Variants in KIAA1217 observed in about 807,000 individuals in gnomAD.
The protein encoded by KIAA1217 is KIAA1217, also known as sickle tail protein homolog.
A neutral mutation model predicts 163.9 loss-of-function variants in KIAA1217; 88 were observed. The observed-to-expected ratio is 0.54, with a 90% CI of 0.45 to 0.64. The LOEUF (loss-of-function observed/expected upper bound fraction) is 0.64, where lower values mean the gene tolerates loss of function less well. KIAA1217 is among the 30% of genes least tolerant of loss of function. The pLI is 0.00. For synonymous variants in KIAA1217, 903 were observed against 923.1 expected (o/e 0.98, Z 0.39); for missense variants, 2,372 against 2,475.0 (o/e 0.96, Z 0.88).
intron 2 of KIAA1217, among the ~76,000 whole-genome samples, chr10:24,067,386 G>A (rs1457528491): frequency 1.3e-5 from 2 of 152,226 alleles, no homozygotes; most frequent in African/African-American, 4.8e-5. Flanking sequence ...CTGCAGGTCT[G>A]TTGGAGTTTA....
At chr10:23,707,695 G>T (rs1170991828) in intron 1 of KIAA1217, among the ~76,000 whole-genome samples, 2 of 152,064 alleles carry the variant, frequency 1.3e-5, no homozygotes, top group Admixed American at 1.3e-4. Context: ...ATATATCCTT[G>T]TAAGAAAACT....
chr10:23,810,895 A>AGT (rs1189929527), intron 1 of KIAA1217, among the ~76,000 whole-genome samples: 1 of 122,812 alleles, frequency 8.1e-6, no homozygotes, highest in African/African-American at 3.2e-5. Flanking sequence ...CATATCATAT[A>AGT]GTATATATAC....
At chr10:23,962,525 T>C (rs1436452874) in intron 1 of KIAA1217, among the ~76,000 whole-genome samples, 2 of 152,354 alleles carry the variant, frequency 1.3e-5, no homozygotes, top group African/African-American at 2.4e-5. Context: ...TCTATTTCAG[T>C]ATTTATAGCT....
At chr10:23,794,634 C>T (rs894082957) in intron 1 of KIAA1217, among the ~76,000 whole-genome samples, 1 of 152,164 alleles carries the variant, frequency 6.6e-6, no homozygotes, top group East Asian at 1.9e-4. Flanking sequence ...GATTTCAGAA[C>T]AAAATTTTAG....
chr10:23,911,126 T>C (rs1024907304), intron 1 of KIAA1217, among the ~76,000 whole-genome samples: 2 of 152,160 alleles, frequency 1.3e-5, no homozygotes, highest in Non-Finnish European at 2.9e-5. Context: ...CTATCCCAAT[T>C]TTAAAGGCTA....
intron 2 of KIAA1217, among the ~76,000 whole-genome samples, chr10:24,263,537 CATCTT>C (rs2075917906): frequency 6.6e-6 from 1 of 152,208 alleles, no homozygotes; most frequent in Non-Finnish European, 1.5e-5. Context: ...ATCTCTGTCT[CATCTT>C]GACTCCAAGG....
chr10:24,528,044 C>A lies in KIAA1217; in HGVS notation c.3007C>A (p.Pro1003Thr), dbSNP rs373172605. ...TCAGGCCAATATCATGAAGTCAATA[C>A]CAAATCTGGAGATGCCGCCAGCCAC... ...EAQANIMKSI[P>T]NLEMPPATGP... The change falls in exon 14 of 21, where the codon CCA becomes ACA. Residue 1003 changes from proline to threonine, a missense_variant. Physicochemically the swap from Pro to Thr is conservative, Grantham distance 38 (BLOSUM62 -1). Coordinates refer to ENST00000376454, the MANE Select transcript of KIAA1217 (RefSeq NM_019590.5). The A allele has an allele frequency of 9.3e-6, 15 of 1,614,030 alleles. No individual in the cohort carries two copies. The highest frequency in any genetic ancestry group is 1.2e-5 in the Non-Finnish European group (14 of 1,180,032).
intron 2 of KIAA1217, among the ~76,000 whole-genome samples, chr10:24,052,360 C>T (rs1849577250): frequency 1.3e-5 from 2 of 152,044 alleles, no homozygotes; most frequent in Non-Finnish European, 2.9e-5. Context: ...TTTTCTGTTT[C>T]TGCTTTAACT....
intron 5 of KIAA1217, among the ~76,000 whole-genome samples, chr10:24,458,920 T>C (rs1274664701): frequency 6.6e-6 from 1 of 152,212 alleles, no homozygotes; most frequent in African/African-American, 2.4e-5. Flanking sequence ...TATGTCCCTC[T>C]ACTCACTAAA....
At chr10:24,511,601 C>T (rs1431744064) in intron 9 of KIAA1217, among the ~76,000 whole-genome samples, 1 of 152,016 alleles carries the variant, frequency 6.6e-6, no homozygotes, top group Non-Finnish European at 1.5e-5. Flanking sequence ...GAACTGAGAT[C>T]GTGCCATTGC....
intron 1 of KIAA1217, among the ~76,000 whole-genome samples, chr10:23,731,388 C>T (rs1190098391): frequency 6.6e-6 from 1 of 152,142 alleles, no homozygotes; most frequent in Admixed American, 6.5e-5. Flanking sequence ...CTTTTGAGTC[C>T]TCTGATGTCA....
chr10:23,947,232 G>A (rs1844096059), intron 1 of KIAA1217, among the ~76,000 whole-genome samples: 1 of 152,136 alleles, frequency 6.6e-6, no homozygotes, highest in East Asian at 1.9e-4. Context: ...AGGATTGAAT[G>A]TTTATAACAT....
intron 9 of KIAA1217, among the ~76,000 whole-genome samples, chr10:24,503,429 A>G (rs1022017558): frequency 6.6e-6 from 1 of 152,206 alleles, no homozygotes; most frequent in African/African-American, 2.4e-5. Flanking sequence ...TTGCAATGAA[A>G]TGAAGTGTAC....
At chr10:23,698,328 G>C (rs1406869133) in intron 1 of KIAA1217, among the ~76,000 whole-genome samples, 1 of 152,168 alleles carries the variant, frequency 6.6e-6, no homozygotes, top group East Asian at 1.9e-4. Flanking sequence ...ATTTATGGTG[G>C]CTTAAAATTT....
chr10:24,212,393 A>G (rs1186024301), intron 1 of KIAA1217, among the ~76,000 whole-genome samples: 1 of 152,194 alleles, frequency 6.6e-6, no homozygotes, highest in Non-Finnish European at 1.5e-5. Flanking sequence ...GATGTTGACT[A>G]CAATTTGGAT....
intron 1 of KIAA1217, among the ~76,000 whole-genome samples, chr10:23,937,821 T>C (rs1471032390): frequency 6.6e-6 from 1 of 152,068 alleles, no homozygotes; most frequent in African/African-American, 2.4e-5. Context: ...GAGCAAGCAA[T>C]GTAGGACAGG....
chr10:24,210,242 T>G (rs1262935977), intron 1 of KIAA1217, among the ~76,000 whole-genome samples: 2 of 152,120 alleles, frequency 1.3e-5, no homozygotes, highest in African/African-American at 4.8e-5. Context: ...ACGCTGAAAA[T>G]GCAAAGCTAA....
At position 23,846,940 on chromosome 10, in the gene KIAA1217, A is replaced by G. The variant is rs1839061523; in HGVS notation, c.-321+151706A>G. On this transcript the variant is annotated intron_variant, in intron 1 of 18. Coordinates refer to the KIAA1217 transcript ENST00000376462. ...ACCTAGTTTATTGAGAGTTTTTAGC[A>G]TGAAGGGATGTTGAATTTTGTCAAA... 2.0e-5 allele frequency among the ~76,000 whole-genome samples: 3 copies of G among 152,132 alleles called. No homozygotes were observed. The South Asian group carries it at 6.2e-4, about 31-fold the overall frequency.
At chr10:23,953,533 G>C (rs994327963) in intron 1 of KIAA1217, among the ~76,000 whole-genome samples, 2 of 152,234 alleles carry the variant, frequency 1.3e-5, no homozygotes, top group South Asian at 4.1e-4. Context: ...GATATGGGTA[G>C]TGTAGTCTTC....
Sources: allele counts gnomAD v4.1 joint callset (sites outside exome capture counted in the v4.1 genomes callset), GRCh38; gene constraint gnomAD v4.1.1; transcripts MANE v1.5; gene names NCBI Gene and HGNC (gene_info 2026-07-23, HGNC 2026-07-21).